EGFR: variants seen among roughly 807,000 people sequenced by gnomAD.
EGFR encodes avian erythroblastic leukemia viral (v-erb-b) oncogene homolog.
In EGFR, 58 loss-of-function variants were observed where a neutral mutation model predicts 143.0. The ratio of observed to expected loss-of-function variants is 0.41; its 90% CI spans 0.33 to 0.50. EGFR has a LOEUF of 0.50. EGFR is among the 20% of genes least tolerant of loss of function. The pLI is 0.39. For synonymous variants in EGFR, 613 were observed against 594.4 expected (o/e 1.03, Z -0.45); for missense variants, 1,307 against 1,579.0 (o/e 0.83, Z 2.92).
At chr7:55,120,868 A>C (rs1793160743) in intron 1 of EGFR, among the ~76,000 whole-genome samples, 1 of 152,240 alleles carries the variant, frequency 6.6e-6, no homozygotes, top group South Asian at 2.1e-4. Context: ...CATTTGATGG[A>C]AATGAGTCCA....
intron 1 of EGFR, among the ~76,000 whole-genome samples, chr7:55,068,094 G>T (rs1344457980): frequency 6.6e-6 from 1 of 151,788 alleles, no homozygotes; most frequent in Non-Finnish European, 1.5e-5. Context: ...GTGCACAGGT[G>T]TGTATGTGTG....
intron 1 of EGFR, among the ~76,000 whole-genome samples, chr7:55,106,397 G>A (rs200473880): frequency 2.0e-5 from 3 of 152,204 alleles, no homozygotes; most frequent in East Asian, 1.9e-4. Flanking sequence ...TCCCTCCAGT[G>A]GGGCAAGCCC....
At chr7:55,181,947 A>AGCT (rs17290454) in intron 20 of EGFR, 3 of 251,330 alleles carry the variant, frequency 1.2e-5, no homozygotes, top group East Asian at 2.1e-4. Context: ...CAGAGGGCGC[A>AGCT]GCTGCTGCTG....
chr7:55,107,184 T>C (rs1792184876), intron 1 of EGFR, among the ~76,000 whole-genome samples: 1 of 152,240 alleles, frequency 6.6e-6, no homozygotes, highest in Non-Finnish European at 1.5e-5. Flanking sequence ...CTAGTTAATG[T>C]GGTAACAATT....
At chr7:55,181,523 G>A (rs753430841) in intron 20 of EGFR, 45 bp downstream of exon 20, 6 of 1,613,314 alleles carry the variant, frequency 3.7e-6, no homozygotes, top group Non-Finnish European at 4.2e-6. Flanking sequence ...AAGGAGCCAG[G>A]ATCCTCACAT....
At chr7:55,164,539 T>TAAA (rs1785872130) in intron 14 of EGFR, among the ~76,000 whole-genome samples, 1 of 152,188 alleles carries the variant, frequency 6.6e-6, no homozygotes, top group African/African-American at 2.4e-5. Context: ...TTGCATGGTG[T>TAAA]TGGGTTAAAT....
chr7:55,169,161 C>T (rs1472212341), intron 15 of EGFR, among the ~76,000 whole-genome samples: 5 of 151,670 alleles, frequency 3.3e-5, no homozygotes, highest in East Asian at 1.9e-4. Context: ...AGTGCAGTGC[C>T]GTGATCTTGG....
rs552878631 is a variant in EGFR at position 55,042,817 on chromosome 7, A to C, written c.88+23452A>C. ...TGACTTTGCATCTACAAGTTTAACA[A>C]ATGATGCTTTCTCAGTTTACCTCTG... On this transcript the variant is annotated intron_variant, in intron 1 of 27. Transcript: ENST00000275493. 2.6e-5 allele frequency among the ~76,000 whole-genome samples: 4 copies of C among 152,302 alleles called. No homozygotes were observed. In the East Asian group the frequency reaches 5.8e-4, roughly 22 times the overall value.
At chr7:55,138,329 G>A (rs183467190) in intron 1 of EGFR, among the ~76,000 whole-genome samples, 1,842 of 152,268 alleles carry the variant, frequency 0.012, 25 homozygotes, top group Middle Eastern at 0.017. Context: ...ATTTTGTATG[G>A]AACTTGATGC....
At chr7:55,112,228 C>A (rs1792545814) in intron 1 of EGFR, among the ~76,000 whole-genome samples, 1 of 152,228 alleles carries the variant, frequency 6.6e-6, no homozygotes, top group Non-Finnish European at 1.5e-5. Flanking sequence ...TTGATAGCCA[C>A]ACGATTTAAG....
intron 1 of EGFR, among the ~76,000 whole-genome samples, chr7:55,099,293 T>G (rs971621842): frequency 1.3e-5 from 2 of 152,234 alleles, no homozygotes; most frequent in African/African-American, 4.8e-5. Flanking sequence ...GATGCTGTGC[T>G]GGGTTAGGCA....
chr7:55,201,839 TAC>T, intron 26 of EGFR, 57 bp downstream of exon 26: 1 of 1,581,356 alleles, frequency 6.3e-7, no homozygotes, highest in Non-Finnish European at 8.7e-7. Flanking sequence ...GGCTCTATTT[TAC>T]ATGGAAAATG....
intron 22 of EGFR, among the ~76,000 whole-genome samples, chr7:55,198,155 T>C (rs1419786511): frequency 6.6e-6 from 1 of 152,234 alleles, no homozygotes; most frequent in Non-Finnish European, 1.5e-5. Flanking sequence ...TGGTAGGCTA[T>C]TTATTACTGA....
intron 1 of EGFR, among the ~76,000 whole-genome samples, chr7:55,108,862 G>A (rs1792294371): frequency 6.6e-6 from 1 of 152,194 alleles, no homozygotes; most frequent in Admixed American, 6.5e-5. Flanking sequence ...ACTTCCTAAG[G>A]AGTGATTTGA....
At chr7:55,177,249 G>A (rs1022624959) in intron 19 of EGFR, among the ~76,000 whole-genome samples, 2 of 152,160 alleles carry the variant, frequency 1.3e-5, no homozygotes, top group African/African-American at 2.4e-5. Context: ...ACACTGGGAT[G>A]GAGAGGGGGA....
intron 1 of EGFR, among the ~76,000 whole-genome samples, chr7:55,062,192 T>C (rs1789225012): frequency 6.6e-6 from 1 of 152,210 alleles, no homozygotes; most frequent in Non-Finnish European, 1.5e-5. Context: ...GGTCTCAATC[T>C]CAGCACCAGC....
intron 11 of EGFR, 133 bp from the exon 12 acceptor site, chr7:55,160,006 C>T (rs1356609831): frequency 3.3e-6 from 3 of 922,766 alleles, no homozygotes; most frequent in South Asian, 2.9e-5. Flanking sequence ...CAGTGTGTGC[C>T]TCCCACAGCA....
chr7:55,079,231 C>A (rs764871888), intron 1 of EGFR, among the ~76,000 whole-genome samples: 1 of 152,162 alleles, frequency 6.6e-6, no homozygotes, highest in Non-Finnish European at 1.5e-5. Flanking sequence ...AGAGGAGAGG[C>A]CAGGCACGGG....
In EGFR at chr7:55,205,667, G is replaced by A. The variant is rs761254018; in HGVS notation, c.*50G>A. 6 of 1,613,270 alleles carry A rather than the reference G, an allele frequency of 3.7e-6. No homozygotes were observed. Among genetic ancestry groups the A allele is most frequent in the Admixed American group, 1.7e-5 (1 of 59,980 alleles). ...AAAATCCAGACTCTTTCGATACCCA[G>A]GACCAAGCCACAGCAGGTCCTCCAT... On this transcript the variant is annotated 3_prime_UTR_variant, in exon 28 of 28. Coordinates refer to ENST00000275493, the MANE Select transcript of EGFR (RefSeq NM_005228.5).
Sources: gnomAD v4.1 joint callset for allele counts (sites outside exome capture counted in the v4.1 genomes callset) on GRCh38, gnomAD v4.1.1 for gene constraint, MANE v1.5 for transcripts, NCBI Gene and HGNC (gene_info 2026-07-23, HGNC 2026-07-21) for gene names.